The following PLD5 variants were observed in gnomAD, a reference collection of about 807,000 sequenced individuals.
The protein encoded by PLD5 is inactive phospholipase D5.
A neutral mutation model predicts 61.1 loss-of-function variants in PLD5; 36 were observed. The observed-to-expected ratio is 0.59, with a 90% CI of 0.45 to 0.78. PLD5 has a LOEUF of 0.78. PLD5 is among the 30% of genes least tolerant of loss of function. The probability of loss-of-function intolerance (pLI) is 0.00; values close to 1 mark genes in which losing one functional copy is unlikely to be tolerated. For missense variants in PLD5, 515 were observed against 644.4 expected (o/e 0.80, Z 2.17); for synonymous variants, 243 against 242.8 (o/e 1.00, Z -0.01).
intron 8 of PLD5, among the ~76,000 whole-genome samples, chr1:242,106,681 A>C (rs1661080919): frequency 6.6e-6 from 1 of 152,130 alleles, no homozygotes; most frequent in Admixed American, 6.5e-5. Context: ...GGTCAGGGCG[A>C]TCTTGGAAGC....
rs577620840 is a variant in PLD5, at chr1:242,400,719, C to T, written c.190-52477G>A. Among the ~76,000 whole-genome samples, 448 of 152,224 alleles carry T rather than the reference C, an allele frequency of 2.9e-3. 3 individuals are homozygous for T. Among genetic ancestry groups the T allele is most frequent in the African/African-American group, 0.01 (429 of 41,528 alleles). On this transcript the variant is annotated intron_variant, in intron 1 of 9. Transcript: ENST00000536534. ...TTCCAAGTCCCGGGATCTTTTCCCACCACCCGCCTGCTTTTCCAGCCCCCA... is the reference window on the plus strand; with the variant it reads ...TTCCAAGTCCCGGGATCTTTTCCCATCACCCGCCTGCTTTTCCAGCCCCCA...
chr1:242,512,562 G>C (rs142489864), intron 1 of PLD5, among the ~76,000 whole-genome samples: 66 of 152,300 alleles, frequency 4.3e-4, no homozygotes, highest in Non-Finnish European at 7.6e-4. Flanking sequence ...CAACAAGCTA[G>C]AACAATGTAC....
chr1:242,430,078 G>A (rs1665637621), intron 1 of PLD5, among the ~76,000 whole-genome samples: 1 of 152,134 alleles, frequency 6.6e-6, no homozygotes, highest in African/African-American at 2.4e-5. Flanking sequence ...TCTTTAAGGG[G>A]CCAGGAATCC....
At chr1:242,251,737 G>C (rs1423890534) in intron 4 of PLD5, among the ~76,000 whole-genome samples, 1 of 152,122 alleles carries the variant, frequency 6.6e-6, no homozygotes, top group Non-Finnish European at 1.5e-5. Context: ...ATTAAGGGGA[G>C]AGAGCCATTT....
chr1:242,443,086 T>C (rs2810034), intron 1 of PLD5, among the ~76,000 whole-genome samples: 54,031 of 152,040 alleles, frequency 0.36, 9,827 homozygotes, highest in Admixed American at 0.44. Flanking sequence ...AAAGTGTCCA[T>C]CAGAAATATT....
intron 1 of PLD5, among the ~76,000 whole-genome samples, chr1:242,349,737 A>G (rs919707053): frequency 1.3e-5 from 2 of 152,230 alleles, no homozygotes; most frequent in African/African-American, 4.8e-5. Context: ...CACTGTGACA[A>G]ATCATTTTGA....
intron 1 of PLD5, among the ~76,000 whole-genome samples, chr1:242,418,327 G>T (rs193035349): frequency 6.6e-6 from 1 of 152,246 alleles, no homozygotes; most frequent in East Asian, 1.9e-4. Flanking sequence ...GTTGTGTTAG[G>T]CTTGAGATGC....
At chr1:242,201,670 T>C (rs1268664116) in intron 5 of PLD5, among the ~76,000 whole-genome samples, 1 of 152,068 alleles carries the variant, frequency 6.6e-6, no homozygotes, top group African/African-American at 2.4e-5. Flanking sequence ...ACATTTTTAA[T>C]AATAAAAATT....
At chr1:242,448,882 T>C (rs532124898) in intron 1 of PLD5, among the ~76,000 whole-genome samples, 2 of 152,344 alleles carry the variant, frequency 1.3e-5, no homozygotes, top group East Asian at 3.9e-4. Context: ...TAATGCTTAA[T>C]GCCTCCAGTA....
intron 5 of PLD5, among the ~76,000 whole-genome samples, chr1:242,134,229 G>A (rs1663526898): frequency 6.6e-6 from 1 of 152,160 alleles, no homozygotes; most frequent in African/African-American, 2.4e-5. Context: ...TTTAGGAAGA[G>A]ATGAAATAAT....
chr1:242,516,581 A>C lies in PLD5; in HGVS notation c.189+7507T>G, dbSNP rs866621448. Reference sequence around the variant, plus strand: ...TGACCCAGCACCCTTTTTTGAAAAGATTATCTCTTTCCCACTGCATTACAG... The same window carrying C: ...TGACCCAGCACCCTTTTTTGAAAAGCTTATCTCTTTCCCACTGCATTACAG... On this transcript the variant is annotated intron_variant, in intron 1 of 9. Coordinates refer to ENST00000536534, the MANE Select transcript of PLD5 (RefSeq NM_001372062.1). 2.0e-5 allele frequency among the ~76,000 whole-genome samples: 3 copies of C among 152,126 alleles called. No individual in the cohort carries two copies. In the South Asian group the frequency reaches 6.2e-4, roughly 32 times the overall value.
At chr1:242,366,294 T>C (rs1186107502) in intron 1 of PLD5, among the ~76,000 whole-genome samples, 1 of 152,210 alleles carries the variant, frequency 6.6e-6, no homozygotes, top group Non-Finnish European at 1.5e-5. Context: ...TTCAATTTCC[T>C]CTTCAAATTA....
intron 1 of PLD5, among the ~76,000 whole-genome samples, chr1:242,355,440 G>A (rs961217774): frequency 9.2e-5 from 14 of 152,216 alleles, no homozygotes; most frequent in African/African-American, 2.9e-4. Context: ...TTGTGTTTCT[G>A]TAGTTATCAG....
chr1:242,133,027 C>T (rs1663418298), intron 5 of PLD5, among the ~76,000 whole-genome samples: 1 of 150,914 alleles, frequency 6.6e-6, no homozygotes, highest in African/African-American at 2.4e-5. Context: ...CCCTCTCTTC[C>T]CACCCCCGCA....
intron 5 of PLD5, among the ~76,000 whole-genome samples, chr1:242,153,334 T>C (rs1463353324): frequency 6.6e-6 from 1 of 152,222 alleles, no homozygotes; most frequent in Admixed American, 6.5e-5. Flanking sequence ...TCTTTTGCTG[T>C]GCAGGAGCTC....
intron 1 of PLD5, among the ~76,000 whole-genome samples, chr1:242,356,762 T>TCTACTTCAAACTGATAACAGC (rs1660776084): frequency 1.3e-5 from 2 of 152,110 alleles, no homozygotes; most frequent in Admixed American, 6.6e-5. Context: ...CTTATAACAG[T>TCTACTTCAAACTGATAACAGC]CTACTTCAAA....
rs1001113491 is a variant in PLD5 at position 242,135,362 on chromosome 1, C to T, written c.736-10697G>A. ...CAAGAGCTGGAGTGCACACTTCTGC[C>T]ATACCTTCTGCCACACCTACACTCT... On this transcript the variant is annotated intron_variant, in intron 5 of 9. Coordinates refer to ENST00000536534, the MANE Select transcript of PLD5 (RefSeq NM_001372062.1). Among the ~76,000 whole-genome samples the T allele has an allele frequency of 1.2e-4, 18 of 152,272 alleles. 2 individuals carry two copies. Among genetic ancestry groups the T allele is most frequent in the Admixed American group, 1.2e-3 (18 of 15,296 alleles).
At chr1:242,484,162 G>C (rs1338914321) in intron 1 of PLD5, among the ~76,000 whole-genome samples, 2 of 152,052 alleles carry the variant, frequency 1.3e-5, no homozygotes, top group African/African-American at 4.8e-5. Context: ...ACAGAAGCAA[G>C]AGCAAACACA....
chr1:242,357,634 C>T lies in PLD5; in HGVS notation c.190-9392G>A, dbSNP rs527322515. On this transcript the variant is annotated intron_variant, in intron 1 of 9. Transcript: ENST00000536534. Reference sequence around the variant, plus strand: ...CCGAGTAGCTGGGATTACAGGTGCCCGCCACCACACCTGGCTAATTTTTTG... The same window carrying T: ...CCGAGTAGCTGGGATTACAGGTGCCTGCCACCACACCTGGCTAATTTTTTG... Among the ~76,000 whole-genome samples, 60 of 151,866 alleles carry T rather than the reference C, an allele frequency of 4.0e-4. 1 individual carries two copies. Among genetic ancestry groups the T allele is most frequent in the South Asian group, 1.9e-3 (9 of 4,794 alleles).
Sources: gnomAD v4.1 joint callset for allele counts (sites outside exome capture counted in the v4.1 genomes callset) on GRCh38, gnomAD v4.1.1 for gene constraint, MANE v1.5 for transcripts, NCBI Gene and HGNC (gene_info 2026-07-23, HGNC 2026-07-21) for gene names.